Variants in CPEB2 observed in about 807,000 individuals in gnomAD.
The protein encoded by CPEB2 is cytoplasmic polyadenylation element-binding protein 2.
A neutral mutation model predicts 93.6 loss-of-function variants in CPEB2; 56 were observed. The ratio of observed to expected loss-of-function variants is 0.60; its 90% CI spans 0.48 to 0.75. The LOEUF (loss-of-function observed/expected upper bound fraction) is 0.75. CPEB2 is among the 30% of genes least tolerant of loss of function. The probability of loss-of-function intolerance (pLI) is 0.00; values close to 1 mark genes in which losing one functional copy is unlikely to be tolerated. For missense variants in CPEB2, 1,579 were observed against 1,395.1 expected (o/e 1.13, Z -2.10); for synonymous variants, 764 against 586.3 (o/e 1.30, Z -4.38).
At chr4:15,042,425 T>C (rs906343868) in intron 6 of CPEB2, among the ~76,000 whole-genome samples, 3 of 152,210 alleles carry the variant, frequency 2.0e-5, no homozygotes, top group Non-Finnish European at 4.4e-5. Flanking sequence ...TAAAGACTTA[T>C]TCGGCTTCAG....
intron 3 of CPEB2, among the ~76,000 whole-genome samples, chr4:15,015,767 GGCT>G (rs1724062670): frequency 6.6e-6 from 1 of 151,892 alleles, no homozygotes; most frequent in Admixed American, 6.6e-5. Context: ...ATCAGTGGAT[GGCT>G]GAAACTGCAA....
At chr4:15,027,836 T>C (rs147085358) in intron 4 of CPEB2, among the ~76,000 whole-genome samples, 26 of 152,286 alleles carry the variant, frequency 1.7e-4, no homozygotes, top group Admixed American at 2.6e-4. Context: ...CATATATGTA[T>C]TAACTCATTT....
chr4:15,049,095 G>A (rs188727181), intron 6 of CPEB2, among the ~76,000 whole-genome samples: 18 of 151,610 alleles, frequency 1.2e-4, no homozygotes, highest in African/African-American at 3.1e-4. Context: ...TAAACTTTTC[G>A]TTACATTCTT....
At chr4:15,017,437 A>G in intron 4 of CPEB2, 159 bp downstream of exon 4, 1 of 458,496 alleles carries the variant, frequency 2.2e-6, no homozygotes, top group South Asian at 4.1e-5. Context: ...GAAATGCCAT[A>G]TTTTTCCTTT....
intron 3 of CPEB2, among the ~76,000 whole-genome samples, chr4:15,016,366 T>TACAGTAGAAATTTATGGACATTAAAGA (rs1724147024): frequency 6.6e-6 from 1 of 152,016 alleles, no homozygotes; most frequent in African/African-American, 2.4e-5. Flanking sequence ...TTGAACAGAA[T>TACAGTAGAAATTTATGGACATTAAAGA]ACAGTAGAAA....
intron 10 of CPEB2, 34 bp from the exon 11 acceptor site, chr4:15,062,045 T>C: frequency 1.3e-6 from 2 of 1,538,166 alleles, no homozygotes; most frequent in South Asian, 2.5e-5. Flanking sequence ...CTGTGTTCTC[T>C]CACATTTGAT....
At chr4:15,019,188 GAAAA>G (rs2108994619) in intron 4 of CPEB2, among the ~76,000 whole-genome samples, 2 of 149,830 alleles carry the variant, frequency 1.3e-5, no homozygotes, top group South Asian at 4.2e-4. Flanking sequence ...TTTAAGTAGA[GAAAA>G]AAGAAAAAAA....
chr4:15,066,186 A>T lies in CPEB2; in HGVS notation c.2911A>T (p.Met971Leu), dbSNP rs1729694174. 1 of 1,613,034 alleles carries T rather than the reference A, an allele frequency of 6.2e-7. No homozygotes were observed. The highest frequency in any genetic ancestry group is 1.1e-5 in the South Asian group (1 of 91,052). Residue 971 changes from methionine (M) to leucine (L), a missense_variant, in exon 12 of 12, where the codon ATG becomes TTG. Around this residue, in one of 2 missense-constraint regions of CPEB2, gnomAD observed 168 missense variants for 339.1 expected, o/e 0.50. Transcript: ENST00000538197. Reference sequence around the variant, plus strand: ...AAAGCCATATGTGCTAGATGACCAGATGTGTGATGAATGCCAGGGCGCACG... The same window carrying T: ...AAAGCCATATGTGCTAGATGACCAGTTGTGTGATGAATGCCAGGGCGCACG... ...EVKPYVLDDQ[M>L]CDECQGARCG...
At chr4:15,039,454 A>G (rs1466086846) in intron 5 of CPEB2, among the ~76,000 whole-genome samples, 3 of 152,154 alleles carry the variant, frequency 2.0e-5, no homozygotes, top group Admixed American at 2.0e-4. Flanking sequence ...TTTATTCAAT[A>G]TTGAATTTTT....
intron 3 of CPEB2, among the ~76,000 whole-genome samples, chr4:15,014,617 CTTT>C: frequency 6.6e-6 from 1 of 152,004 alleles, no homozygotes; most frequent in Admixed American, 6.6e-5. Flanking sequence ...TTTTATAGTC[CTTT>C]ACCATTACTA....
intron 6 of CPEB2, among the ~76,000 whole-genome samples, chr4:15,048,257 C>CT (rs1389458548): frequency 6.6e-6 from 1 of 151,886 alleles, no homozygotes; most frequent in African/African-American, 2.4e-5. Flanking sequence ...CTTCCTCTTT[C>CT]TTTATTCTCT....
rs777486867 is a variant in CPEB2 at position 15,004,001 on chromosome 4, C to T, written c.1328C>T (p.Pro443Leu). 3.9e-6 allele frequency: 6 copies of T among 1,545,874 alleles called. No individual in the cohort carries two copies. The African/African-American group carries it at 7.2e-5, about 18-fold the overall frequency. ...CTCAGCGCCATGCCGCCGCCCAGCC[C>T]CGACTCAGAGAACGGCTTCTACCCC... Reference protein sequence around the residue: ...GSLSAMPPPSPDSENGFYPGL... With the variant: ...GSLSAMPPPSLDSENGFYPGL... Residue 443 changes from proline to leucine, a missense_variant, in exon 1 of 12, where the codon CCC becomes CTC. Coordinates refer to ENST00000538197, the MANE Select transcript of CPEB2 (RefSeq NM_001177382.2).
chr4:15,005,815 G>T (rs140177351), intron 1 of CPEB2, among the ~76,000 whole-genome samples: 49 of 152,260 alleles, frequency 3.2e-4, no homozygotes, highest in African/African-American at 1.2e-3. Context: ...TAGGGATTTT[G>T]AAATAATGTT....
chr4:15,004,430 C>G (rs1207257323), intron 1 of CPEB2, 95 bp downstream of exon 1: 1 of 950,912 alleles, frequency 1.1e-6, no homozygotes, highest in Non-Finnish European at 1.4e-6. Flanking sequence ...CCGACCTTAG[C>G]CCCGAGAGAA....
chr4:15,060,787 A>T (rs1027900274), intron 10 of CPEB2, among the ~76,000 whole-genome samples: 4 of 152,150 alleles, frequency 2.6e-5, no homozygotes, highest in Non-Finnish European at 4.4e-5. Flanking sequence ...ATACTGTTTT[A>T]AAAAGCTGGG....
intron 1 of CPEB2, chr4:15,005,042 T>A (rs1722616809): frequency 6.6e-6 from 1 of 152,028 alleles, no homozygotes; most frequent in Non-Finnish European, 1.5e-5. Context: ...CCGATCAACC[T>A]GCTGGCAGCG....
intron 1 of CPEB2, among the ~76,000 whole-genome samples, chr4:15,004,764 C>T (rs1722557361): frequency 6.6e-6 from 1 of 151,744 alleles, no homozygotes; most frequent in South Asian, 2.1e-4. Flanking sequence ...GCCCCGGACC[C>T]CCGACGCGGG....
chr4:15,004,100 T>C lies in CPEB2; in HGVS notation c.1427T>C (p.Leu476Pro), dbSNP rs1314266530. The change falls in exon 1 of 12, where the codon CTC becomes CCC. Residue 476 changes from leucine to proline, a missense_variant. Around this residue, in one of 2 missense-constraint regions of CPEB2, gnomAD observed 1,411 missense variants for 1,056.0 expected, o/e 1.34. Coordinates refer to ENST00000538197, the MANE Select transcript of CPEB2 (RefSeq NM_001177382.2). ...GTGTCGCCGCACGGCTGCACTGGGC[T>C]CAGCGTTCCGACGAGCGGCGGCGGC... ...SPVSPHGCTGLSVPTSGGGGG... is the reference protein window; with the variant it reads ...SPVSPHGCTGPSVPTSGGGGG... The C allele has an allele frequency of 5.1e-6, 8 of 1,558,474 alleles. No individual in the cohort carries two copies. The highest frequency in any genetic ancestry group is 6.9e-6 in the Non-Finnish European group (8 of 1,156,574).
At chr4:15,031,015 C>T (rs1031598877) in intron 4 of CPEB2, among the ~76,000 whole-genome samples, 1 of 152,080 alleles carries the variant, frequency 6.6e-6, no homozygotes, top group Non-Finnish European at 1.5e-5. Context: ...TTTACTTTCC[C>T]AGGAAGTCTT....
Sources: gnomAD v4.1 joint callset for allele counts (sites outside exome capture counted in the v4.1 genomes callset) on GRCh38, gnomAD v4.1.1 for gene constraint, gnomAD v4.1.1 regional missense constraint, MANE v1.5 for transcripts, NCBI Gene and HGNC (gene_info 2026-07-23, HGNC 2026-07-21) for gene names.